BLOC1S2: variants seen among roughly 807,000 people sequenced by gnomAD.
BLOC1S2 encodes the protein biogenesis of lysosome-related organelles complex 1 subunit 2.
A neutral mutation model predicts 19.6 loss-of-function variants in BLOC1S2; 12 were observed. The ratio of observed to expected loss-of-function variants is 0.61; its 90% CI spans 0.39 to 0.99. BLOC1S2 has a LOEUF of 0.99. Ranked by LOEUF, BLOC1S2 falls within the 50% of genes least tolerant of loss-of-function variation. The pLI, the probability that BLOC1S2 is intolerant of heterozygous loss-of-function variation, is 0.00. For synonymous variants in BLOC1S2, 66 were observed against 64.1 expected (o/e 1.03, Z -0.14); for missense variants, 142 against 171.0 (o/e 0.83, Z 0.95).
rs115838292 is a variant in BLOC1S2 at position 100,279,867 on chromosome 10, G to A, written c.397+257C>T. On this transcript the variant is annotated intron_variant, in intron 4 of 4. Transcript: ENST00000370372. The stretch of plus-strand genomic sequence containing the variant: ...TTGCACTCCAGCTTGGGCAACAAGA[G>A]TGAAACTTGTCTCAAAAAAAACAAA... Among the ~76,000 whole-genome samples the A allele has an allele frequency of 3.0e-3, 464 of 152,228 alleles. 1 individual carries two copies. Among genetic ancestry groups the A allele is most frequent in the African/African-American group, 0.011 (451 of 41,538 alleles).
intron 4 of BLOC1S2, among the ~76,000 whole-genome samples, chr10:100,276,456 C>T (rs1847868134): frequency 4.7e-5 from 3 of 63,530 alleles, no homozygotes; most frequent in African/African-American, 1.5e-4. Context: ...TCTCCCTCTC[C>T]CTCTCCCGTC....
At chr10:100,280,676 A>G (rs1848080445) in intron 3 of BLOC1S2, among the ~76,000 whole-genome samples, 1 of 152,252 alleles carries the variant, frequency 6.6e-6, no homozygotes, top group Non-Finnish European at 1.5e-5. Context: ...TCAATTCATT[A>G]GAATCTGGCC....
rs1847810678 is a variant in BLOC1S2, at chr10:100,274,766, A to G, written c.*696T>C. ...CTCCCTACCCAACACATAAACACAC[A>G]TACCCATCTAGTCTTTGTTTTCATC... On this transcript the variant is annotated 3_prime_UTR_variant, in exon 5 of 5. Coordinates refer to ENST00000370372, the MANE Select transcript of BLOC1S2 (RefSeq NM_173809.5). 5.1e-6 allele frequency: 2 copies of G among 393,448 alleles called. No homozygotes were observed. Among genetic ancestry groups the G allele is most frequent in the African/African-American group, 4.1e-5 (2 of 48,548 alleles). The allele number at this position is 393,448 out of a possible 1,614,324, so 24.4% of individuals were successfully genotyped here.
Position 100,286,073 on chromosome 10 carries a change from G to A in BLOC1S2, c.172+24C>T, listed in dbSNP as rs376650396. ...AGGCCTCCTGGGCCAAACCGCACCC[G>A]AATCAACCCAGACCCCGCCTCACCC... is the stretch of plus-strand genomic sequence containing the variant. On this transcript the variant is annotated intron_variant, in intron 2 of 4. Transcript: ENST00000370372. 6 of 1,610,776 alleles carry A rather than the reference G, an allele frequency of 3.7e-6. No individual in the cohort carries two copies. The African/African-American group carries it at 6.7e-5, about 18-fold the overall frequency.
chr10:100,277,536 T>C (rs1232319554), intron 4 of BLOC1S2, among the ~76,000 whole-genome samples: 18 of 44,896 alleles, frequency 4.0e-4, no homozygotes, highest in East Asian at 6.7e-4. Flanking sequence ...TGGCCAGCTG[T>C]CCCGTCCGGG....
intron 4 of BLOC1S2, among the ~76,000 whole-genome samples, chr10:100,277,906 C>G (rs1169384746): frequency 9.1e-5 from 10 of 109,352 alleles, no homozygotes; most frequent in Non-Finnish European, 9.8e-5. Flanking sequence ...CCCGCCTGGC[C>G]AGCCGCCCCG....
chr10:100,275,042 T>C lies in BLOC1S2; in HGVS notation c.*420A>G, dbSNP rs1589644839. ...TCCTTTTTAAATTTAGAATCTTGTTTACAACACATTAGCATCATTAACAGA... is the reference window on the plus strand; with the variant it reads ...TCCTTTTTAAATTTAGAATCTTGTTCACAACACATTAGCATCATTAACAGA... On this transcript the variant is annotated 3_prime_UTR_variant, in exon 5 of 5. Coordinates refer to ENST00000370372, the MANE Select transcript of BLOC1S2 (RefSeq NM_173809.5). 2 of 399,304 alleles carry C rather than the reference T, an allele frequency of 5.0e-6. No homozygotes were observed. Among genetic ancestry groups the C allele is most frequent in the Non-Finnish European group, 8.8e-6 (2 of 226,290 alleles). The allele number at this position is 399,304 out of a possible 1,614,324, so 24.7% of individuals were successfully genotyped here. A position where few individuals can be genotyped will look rare whatever the true frequency, so the allele number is the denominator to read the frequency against.
At chr10:100,281,709 CAT>C (rs1195115634) in intron 2 of BLOC1S2, among the ~76,000 whole-genome samples, 4 of 128,916 alleles carry the variant, frequency 3.1e-5, no homozygotes, top group Admixed American at 7.8e-5. Context: ...TATATATACA[CAT>C]ACACACACAC....
chr10:100,280,434 T>C (rs1319598555), intron 3 of BLOC1S2, among the ~76,000 whole-genome samples: 1 of 152,198 alleles, frequency 6.6e-6, no homozygotes, highest in Non-Finnish European at 1.5e-5. Flanking sequence ...AGACTTAGTG[T>C]CTCTCATCTA....
At chr10:100,282,903 T>C (rs1265110901) in intron 2 of BLOC1S2, 4 of 398,500 alleles carry the variant, frequency 1.0e-5, no homozygotes, top group African/African-American at 8.2e-5. Context: ...TAGGCTCTCT[T>C]ACCTACTTCT....
intron 2 of BLOC1S2, among the ~76,000 whole-genome samples, chr10:100,284,361 CAAAT>C (rs1848183252): frequency 6.6e-6 from 1 of 152,196 alleles, no homozygotes; most frequent in African/African-American, 2.4e-5. Flanking sequence ...AATAAACAAA[CAAAT>C]AATCAGGCTG....
chr10:100,275,343 A>G lies in BLOC1S2; in HGVS notation c.*119T>C, dbSNP rs61347626. The G allele has an allele frequency of 2.7e-3, 2,829 of 1,048,310 alleles. 53 individuals carry two copies. In the African/African-American group the frequency reaches 0.041, roughly 15 times the overall value. The allele number at this position is 1,048,310 out of a possible 1,614,324, so 64.9% of individuals were successfully genotyped here. A position where few individuals can be genotyped will look rare whatever the true frequency, so the allele number is the denominator to read the frequency against. On this transcript the variant is annotated 3_prime_UTR_variant, in exon 5 of 5. Coordinates refer to ENST00000370372, the MANE Select transcript of BLOC1S2 (RefSeq NM_173809.5). Reference sequence around the variant, plus strand: ...ACTCGAACGTTGAGATGTTCCTGTGATGACCAGCATAATTTCCTTTTGAGG... The same window carrying G: ...ACTCGAACGTTGAGATGTTCCTGTGGTGACCAGCATAATTTCCTTTTGAGG...
intron 4 of BLOC1S2, among the ~76,000 whole-genome samples, chr10:100,279,092 GA>G (rs139256211): frequency 5.6e-5 from 8 of 143,120 alleles, no homozygotes; most frequent in Non-Finnish European, 1.2e-4. Context: ...ATCTCTTATA[GA>G]AAAAAAAAAC....
chr10:100,286,447 A>G (rs1328193957), intron 1 of BLOC1S2, 158 bp downstream of exon 1: 2 of 1,475,440 alleles, frequency 1.4e-6, no homozygotes, highest in African/African-American at 1.4e-5. Context: ...GCACCATCCC[A>G]GTCACCCTGA....
chr10:100,276,301 T>C, intron 4 of BLOC1S2, among the ~76,000 whole-genome samples: 1 of 120,994 alleles, frequency 8.3e-6, no homozygotes, highest in African/African-American at 2.8e-5. Flanking sequence ...CGTCTCCCTC[T>C]CCATCTCCCT....
At chr10:100,285,066 CT>C (rs1186927493) in intron 2 of BLOC1S2, among the ~76,000 whole-genome samples, 1 of 137,766 alleles carries the variant, frequency 7.3e-6, no homozygotes, top group African/African-American at 2.8e-5. Context: ...GACCCTGTCT[CT>C]TAAAAACAGA....
At chr10:100,280,620 G>A (rs1848079181) in intron 3 of BLOC1S2, among the ~76,000 whole-genome samples, 1 of 152,154 alleles carries the variant, frequency 6.6e-6, no homozygotes, top group South Asian at 2.1e-4. Flanking sequence ...CCATTATAGA[G>A]TTTTTGGTTT....
At chr10:100,286,490 A>T (rs1564875466) in intron 1 of BLOC1S2, 115 bp downstream of exon 1, 1 of 1,514,484 alleles carries the variant, frequency 6.6e-7, no homozygotes. Context: ...CGACAAGTGC[A>T]CTCCTCTCAC....
chr10:100,286,589 C>T lies in BLOC1S2; in HGVS notation c.55+16G>A. The T allele has an allele frequency of 6.2e-7, 1 of 1,612,942 alleles. No homozygotes were observed. Among genetic ancestry groups the T allele is most frequent in the Non-Finnish European group, 8.5e-7 (1 of 1,179,318 alleles). ...GGCCCCCCACCGGACGCTTCCTCCC[C>T]ATCCATTCCGGGTACCTCGGGCGGG... On this transcript the variant is annotated intron_variant, in intron 1 of 4. Coordinates refer to ENST00000370372, the MANE Select transcript of BLOC1S2 (RefSeq NM_173809.5).
Sources: gnomAD v4.1 joint callset for allele counts (sites outside exome capture counted in the v4.1 genomes callset) on GRCh38, gnomAD v4.1.1 for gene constraint, MANE v1.5 for transcripts, NCBI Gene and HGNC (gene_info 2026-07-23, HGNC 2026-07-21) for gene names.